TRAK1: variants seen among roughly 807,000 people sequenced by gnomAD.
TRAK1 encodes trafficking kinesin protein 1.
A neutral mutation model predicts 92.1 loss-of-function variants in TRAK1; 33 were observed. That is an observed-to-expected ratio of 0.36 (90% CI 0.27 to 0.48). TRAK1 has a LOEUF of 0.48. Ranked by LOEUF, TRAK1 falls within the 20% of genes least tolerant of loss-of-function variation. TRAK1 has a pLI of 0.99. For synonymous variants in TRAK1, 521 were observed against 517.3 expected (o/e 1.01, Z -0.10); for missense variants, 1,123 against 1,257.9 (o/e 0.89, Z 1.62).
chr3:42,175,241 G>T (rs1328478849), intron 2 of TRAK1, among the ~76,000 whole-genome samples: 1 of 152,040 alleles, frequency 6.6e-6, no homozygotes, highest in South Asian at 2.1e-4. Context: ...GTGCTGGCTG[G>T]GGGGCCCCAG....
intron 11 of TRAK1, among the ~76,000 whole-genome samples, chr3:42,200,114 C>G (rs1163150648): frequency 1.3e-5 from 2 of 152,174 alleles, no homozygotes; most frequent in Non-Finnish European, 2.9e-5. Flanking sequence ...TCTGTGTACT[C>G]AGACTCCATA....
At chr3:42,091,750 T>C (rs1010565752) in intron 1 of TRAK1, among the ~76,000 whole-genome samples, 190 bp downstream of exon 1, 1 of 152,094 alleles carries the variant, frequency 6.6e-6, no homozygotes, top group African/African-American at 2.4e-5. Context: ...ACACAACTAC[T>C]GCCCTCACCA....
chr3:42,031,197 G>A (rs1033812275), intron 1 of TRAK1, among the ~76,000 whole-genome samples: 17 of 146,888 alleles, frequency 1.2e-4, no homozygotes, highest in African/African-American at 3.9e-4. Context: ...CACCATGCCT[G>A]GCTAATTTTT....
chr3:42,149,950 C>T (rs1402289458), intron 2 of TRAK1, among the ~76,000 whole-genome samples: 1 of 152,040 alleles, frequency 6.6e-6, no homozygotes, highest in East Asian at 1.9e-4. Flanking sequence ...GAAATGTGTT[C>T]ACTGCGCTCT....
rs1710696762 is a variant in TRAK1, at chr3:42,225,677, G to A, written c.*1940G>A. 1 of 152,128 alleles carries A rather than the reference G, an allele frequency of 6.6e-6. No individual in the cohort carries two copies. Among genetic ancestry groups the A allele is most frequent in the Non-Finnish European group, 1.5e-5 (1 of 68,018 alleles). 9.4% of individuals were successfully genotyped at this position (152,128 alleles called of 1,614,324 possible). On this transcript the variant is annotated 3_prime_UTR_variant, in exon 16 of 16. Transcript: ENST00000327628. Reference sequence around the variant, plus strand: ...TAAATAAATAAACGGTCAACATTGTGCAACCACTACCAAAAAGTGTGTTGT... The same window carrying A: ...TAAATAAATAAACGGTCAACATTGTACAACCACTACCAAAAAGTGTGTTGT...
At chr3:42,208,174 G>C (rs932720945) in intron 13 of TRAK1, among the ~76,000 whole-genome samples, 4 of 151,922 alleles carry the variant, frequency 2.6e-5, no homozygotes, top group African/African-American at 9.7e-5. Context: ...TTTTTTTCTT[G>C]AATTTAGAAT....
chr3:42,223,815 C>T lies in TRAK1; in HGVS notation c.*78C>T. 6.8e-7 allele frequency: 1 copy of T among 1,467,370 alleles called. No homozygotes were observed. The highest frequency in any genetic ancestry group is 9.3e-7 in the Non-Finnish European group (1 of 1,075,604). 90.9% of individuals were successfully genotyped at this position (1,467,370 alleles called of 1,614,324 possible). A position where few individuals can be genotyped will look rare whatever the true frequency, so the allele number is the denominator to read the frequency against. ...CTCCCACCTCCCTCTCTTCCCCCCACAGTGCACTCCCTCCCTCTGCCCTTC... is the reference window on the plus strand; with the variant it reads ...CTCCCACCTCCCTCTCTTCCCCCCATAGTGCACTCCCTCCCTCTGCCCTTC... On this transcript the variant is annotated 3_prime_UTR_variant, in exon 16 of 16. Transcript: ENST00000327628. The surrounding 1 kb of genome is among the most constrained non-coding windows in gnomAD (Gnocchi z 6.1).
At chr3:42,143,322 T>TTTC (rs1553732425) in intron 2 of TRAK1, among the ~76,000 whole-genome samples, 1 of 149,706 alleles carries the variant, frequency 6.7e-6, no homozygotes, top group Non-Finnish European at 1.5e-5. Context: ...TTTTTTTTTT[T>TTTC]CTTTCAAATT....
intron 2 of TRAK1, chr3:42,146,052 G>T (rs1343797517): frequency 4.6e-6 from 2 of 434,402 alleles, no homozygotes; most frequent in South Asian, 1.9e-5. Flanking sequence ...TTTGCTAATT[G>T]GTTCTTCTGA....
intron 13 of TRAK1, 30 bp from the exon 14 acceptor site, chr3:42,209,737 C>T (rs1262763824): frequency 1.9e-6 from 3 of 1,599,494 alleles, no homozygotes; most frequent in Non-Finnish European, 1.7e-6. Context: ...TCTCCTTGTC[C>T]CCCTTCTTCC....
chr3:42,191,761 A>T (rs1705772932), intron 7 of TRAK1, 125 bp downstream of exon 7: 1 of 979,410 alleles, frequency 1.0e-6, no homozygotes, highest in Non-Finnish European at 1.5e-6. Context: ...TTTTCTTAAA[A>T]CTAGAGGCCT....
At chr3:42,077,419 G>C (rs767287028) in intron 1 of TRAK1, among the ~76,000 whole-genome samples, 8 of 152,180 alleles carry the variant, frequency 5.3e-5, no homozygotes, top group African/African-American at 9.7e-5. Context: ...CTCCCAAGTA[G>C]CTGGGATTAC....
chr3:42,122,084 C>A (rs1289893984), intron 1 of TRAK1, among the ~76,000 whole-genome samples: 3 of 152,156 alleles, frequency 2.0e-5, no homozygotes, highest in Non-Finnish European at 4.4e-5. Context: ...TCCCAAAGTG[C>A]TGGGATTACA....
At chr3:42,105,015 G>A (rs1424141084) in intron 1 of TRAK1, among the ~76,000 whole-genome samples, 8 of 149,446 alleles carry the variant, frequency 5.4e-5, no homozygotes, top group African/African-American at 2.0e-4. Context: ...GCAATGGCTC[G>A]GTCTTGGCTC....
At chr3:42,200,785 T>A in intron 11 of TRAK1, 33 bp from the exon 12 acceptor site, 3 of 1,609,904 alleles carry the variant, frequency 1.9e-6, no homozygotes, top group African/African-American at 1.3e-5. Flanking sequence ...TGCCCGCATT[T>A]GCTCACTCAC....
At chr3:42,170,292 A>C (rs1283058221) in intron 2 of TRAK1, among the ~76,000 whole-genome samples, 1 of 152,186 alleles carries the variant, frequency 6.6e-6, no homozygotes, top group Admixed American at 6.5e-5. Flanking sequence ...CTGGTGACTC[A>C]TTTAGAATTT....
rs1032516704 is a variant in TRAK1, at chr3:42,188,203, T to G, written c.581+58T>G. 3 of 1,550,508 alleles carry G rather than the reference T, an allele frequency of 1.9e-6. No individual in the cohort carries two copies. In the African/African-American group the frequency reaches 4.1e-5, roughly 21 times the overall value. ...CAGAGCACAGGCTGGCCGCTGTTGATGTCCTTGGAGTCACCTAGACAGGGT... is the reference window on the plus strand; with the variant it reads ...CAGAGCACAGGCTGGCCGCTGTTGAGGTCCTTGGAGTCACCTAGACAGGGT... On this transcript the variant is annotated intron_variant, in intron 5 of 15. Transcript: ENST00000327628.
chr3:42,035,778 C>T (rs1702303371), intron 1 of TRAK1, among the ~76,000 whole-genome samples: 1 of 152,226 alleles, frequency 6.6e-6, no homozygotes, highest in Non-Finnish European at 1.5e-5. Context: ...TGCCTCTCCT[C>T]CCCTTGCTAA....
intron 1 of TRAK1, among the ~76,000 whole-genome samples, chr3:42,029,547 G>T (rs991858410): frequency 1.3e-5 from 2 of 150,460 alleles, no homozygotes; most frequent in African/African-American, 2.5e-5. Flanking sequence ...CAGCCTGATA[G>T]AATTTTTTTT....
Sources: gnomAD v4.1 joint callset for allele counts (sites outside exome capture counted in the v4.1 genomes callset) on GRCh38, gnomAD v4.1.1 for gene constraint, Gnocchi (gnomAD v3.1) non-coding constraint, MANE v1.5 for transcripts, NCBI Gene and HGNC (gene_info 2026-07-23, HGNC 2026-07-21) for gene names.